Variants in CAST observed in about 807,000 individuals in gnomAD.
The protein encoded by CAST is MIR583 host.
CAST carries 76 observed loss-of-function variants against 119.6 expected under a neutral mutation model. The observed-to-expected ratio is 0.64, with a 90% CI of 0.53 to 0.77. CAST has a LOEUF of 0.77. Among genes scored for constraint, CAST ranks in the 30% least tolerant of loss-of-function variants. CAST has a pLI of 0.00. For synonymous variants in CAST, 319 were observed against 331.6 expected (o/e 0.96, Z 0.41); for missense variants, 953 against 946.5 (o/e 1.01, Z -0.09).
the CAST span, among the ~76,000 whole-genome samples, chr5:96,060,835 A>G: frequency 6.6e-6 from 1 of 152,140 alleles, no homozygotes; most frequent in Non-Finnish European, 1.5e-5. Flanking sequence ...CTTAAACAAT[A>G]GAAATATTTA....
At chr5:96,305,030 T>C in the CAST span, among the ~76,000 whole-genome samples, 1 of 152,212 alleles carries the variant, frequency 6.6e-6, no homozygotes, top group Non-Finnish European at 1.5e-5. Context: ...AATCTATAAA[T>C]TACTTTGGGC....
intron 1 of CAST, among the ~76,000 whole-genome samples, chr5:96,598,183 C>T (rs1747087703): frequency 6.6e-6 from 1 of 152,202 alleles, no homozygotes; most frequent in Non-Finnish European, 1.5e-5. Flanking sequence ...AGCTCTGGCT[C>T]CTCTGCCTAA....
the CAST span, among the ~76,000 whole-genome samples, chr5:96,355,717 T>C: frequency 1.3e-5 from 2 of 152,242 alleles, no homozygotes; most frequent in Non-Finnish European, 2.9e-5. Flanking sequence ...TTTATTTTTT[T>C]TTTGAGACGG....
chr5:96,692,274 A>G (rs1752813756), intron 2 of CAST, among the ~76,000 whole-genome samples: 2 of 152,148 alleles, frequency 1.3e-5, no homozygotes, highest in Admixed American at 1.3e-4. Context: ...AGATACCAAC[A>G]AAACTAAGCA....
chr5:96,166,076 G>A, the CAST span, among the ~76,000 whole-genome samples: 3 of 152,142 alleles, frequency 2.0e-5, no homozygotes, highest in Non-Finnish European at 4.4e-5. Context: ...CAATATCTGT[G>A]AGATGAGTTC....
At chr5:96,308,502 G>A in the CAST span, among the ~76,000 whole-genome samples, 1 of 151,964 alleles carries the variant, frequency 6.6e-6, no homozygotes, top group African/African-American at 2.4e-5. Context: ...CCTTGCTGGA[G>A]AGGAGTTGTG....
the CAST span, among the ~76,000 whole-genome samples, chr5:96,499,318 A>C: frequency 6.6e-6 from 1 of 152,256 alleles, no homozygotes. Context: ...AAACAATTGC[A>C]ATAATGCAAG....
chr5:96,283,137 A>AGAAAAAAG, the CAST span, among the ~76,000 whole-genome samples: 1 of 132,984 alleles, frequency 7.5e-6, no homozygotes, highest in East Asian at 2.2e-4. Context: ...CTCAAAAAAA[A>AGAAAAAAG]AAAAAAAAGA....
At chr5:96,707,784 T>C (rs1303764486) in intron 3 of CAST, among the ~76,000 whole-genome samples, 1 of 152,170 alleles carries the variant, frequency 6.6e-6, no homozygotes, top group East Asian at 1.9e-4. Flanking sequence ...CCCTGAGCTC[T>C]ATAATGGACT....
the CAST span, among the ~76,000 whole-genome samples, chr5:96,106,347 C>T: frequency 6.6e-6 from 1 of 152,146 alleles, no homozygotes; most frequent in African/African-American, 2.4e-5. Context: ...CCTGCTTTCT[C>T]TTGTGGGCAT....
the CAST span, among the ~76,000 whole-genome samples, chr5:96,336,981 G>C: frequency 6.6e-6 from 1 of 152,074 alleles, no homozygotes; most frequent in Admixed American, 6.6e-5. Flanking sequence ...AAGACCCTGG[G>C]GTAAGAGCTG....
At chr5:96,536,457 G>A (rs993057156) in intron 1 of CAST, among the ~76,000 whole-genome samples, 7 of 152,200 alleles carry the variant, frequency 4.6e-5, no homozygotes, top group African/African-American at 7.2e-5. Context: ...GTGTATTTGC[G>A]ACATGGAGAT....
At chr5:96,335,654 C>G in the CAST span, among the ~76,000 whole-genome samples, 1 of 152,152 alleles carries the variant, frequency 6.6e-6, no homozygotes, top group Non-Finnish European at 1.5e-5. Context: ...AATTTCTCCC[C>G]CAAGCTTTAG....
At chr5:96,590,438 C>T (rs891517166) in intron 1 of CAST, among the ~76,000 whole-genome samples, 1 of 152,162 alleles carries the variant, frequency 6.6e-6, no homozygotes, top group Non-Finnish European at 1.5e-5. Context: ...ACTCTCTCAA[C>T]CCTTGGAGCA....
At chr5:96,355,855 C>T in the CAST span, among the ~76,000 whole-genome samples, 1 of 152,100 alleles carries the variant, frequency 6.6e-6, no homozygotes, top group Non-Finnish European at 1.5e-5. Flanking sequence ...GTGCACACCA[C>T]CACGCCCAGC....
At chr5:96,570,082 A>C (rs1040550155) in intron 1 of CAST, among the ~76,000 whole-genome samples, 10 of 152,212 alleles carry the variant, frequency 6.6e-5, no homozygotes, top group African/African-American at 2.4e-4. Context: ...TCCGTTGCTC[A>C]CTTGTGAATG....
At chr5:96,540,520 T>C (rs1745893116) in intron 1 of CAST, among the ~76,000 whole-genome samples, 1 of 152,200 alleles carries the variant, frequency 6.6e-6, no homozygotes, top group Non-Finnish European at 1.5e-5. Flanking sequence ...TCCCCACATA[T>C]ACAGTTTCTC....
intron 1 of CAST, among the ~76,000 whole-genome samples, chr5:96,621,115 G>A (rs1747595648): frequency 6.6e-6 from 1 of 152,154 alleles, no homozygotes; most frequent in African/African-American, 2.4e-5. Context: ...GAAGAAAGGG[G>A]TTAAGTGTCG....
intron 1 of CAST, among the ~76,000 whole-genome samples, chr5:96,550,189 T>C (rs1746100670): frequency 6.6e-6 from 1 of 152,168 alleles, no homozygotes. Flanking sequence ...TCAGGCACCC[T>C]TCTGGAATGA....
Sources: gnomAD v4.1 joint callset for allele counts (sites outside exome capture counted in the v4.1 genomes callset) on GRCh38, gnomAD v4.1.1 for gene constraint, MANE v1.5 for transcripts, NCBI Gene and HGNC (gene_info 2026-07-23, HGNC 2026-07-21) for gene names.